ESRRB: variants seen among roughly 807,000 people sequenced by gnomAD.
ESRRB encodes steroid hormone receptor ERR2.
A neutral mutation model predicts 46.0 loss-of-function variants in ESRRB; 16 were observed. The observed-to-expected ratio is 0.35, with a 90% confidence interval of 0.24 to 0.53. The LOEUF (loss-of-function observed/expected upper bound fraction) is 0.53. Ranked by LOEUF, ESRRB falls within the 20% of genes least tolerant of loss-of-function variation. ESRRB has a pLI of 0.93. For synonymous variants in ESRRB, 246 were observed against 259.6 expected (o/e 0.95, Z 0.50); for missense variants, 488 against 607.4 (o/e 0.80, Z 2.07).
intron 3 of ESRRB, among the ~76,000 whole-genome samples, chr14:76,463,036 A>G (rs539397133): frequency 6.6e-6 from 1 of 152,344 alleles, no homozygotes; most frequent in South Asian, 2.1e-4. Flanking sequence ...GGACAGACAC[A>G]TTAAGTCCGG....
chr14:76,394,142 G>C (rs908074255), intron 1 of ESRRB, among the ~76,000 whole-genome samples: 1 of 151,876 alleles, frequency 6.6e-6, no homozygotes, highest in African/African-American at 2.4e-5. Context: ...CCAGCTCCTG[G>C]CCATGTGGAT....
chr14:76,478,558 G>T (rs904819875), intron 3 of ESRRB, among the ~76,000 whole-genome samples: 9 of 152,050 alleles, frequency 5.9e-5, no homozygotes, highest in African/African-American at 2.2e-4. Context: ...GTAAAGTGGG[G>T]AAGGGGCTTG....
chr14:76,332,758 TAA>T, intron 1 of ESRRB, among the ~76,000 whole-genome samples: 886 of 15,666 alleles, frequency 0.057, 58 homozygotes, highest in Admixed American at 0.075. Flanking sequence ...ATATTATATA[TAA>T]ATATATAATA....
At chr14:76,457,456 T>G (rs931322722) in intron 2 of ESRRB, among the ~76,000 whole-genome samples, 11 of 148,438 alleles carry the variant, frequency 7.4e-5, no homozygotes, top group Non-Finnish European at 1.3e-4. Context: ...AGGATGAGTT[T>G]TTTTTTTTTT....
intron 1 of ESRRB, among the ~76,000 whole-genome samples, chr14:76,424,537 AG>A (rs1320229545): frequency 9.2e-5 from 14 of 152,302 alleles, no homozygotes; most frequent in Admixed American, 3.9e-4. Flanking sequence ...GGGAATGCAC[AG>A]GGGGCAGCAG....
intron 6 of ESRRB, 79 bp downstream of exon 6, chr14:76,491,795 G>A (rs570937882): frequency 5.5e-6 from 8 of 1,445,584 alleles, no homozygotes; most frequent in Non-Finnish European, 7.4e-6. Context: ...TGGGGCCTGT[G>A]GGCAGGGCTG....
intron 1 of ESRRB, among the ~76,000 whole-genome samples, chr14:76,382,915 C>T (rs1358514299): frequency 3.9e-5 from 6 of 152,154 alleles, no homozygotes; most frequent in East Asian, 1.9e-4. Flanking sequence ...TCAGCATCCC[C>T]GGGACTGAAC....
intron 1 of ESRRB, among the ~76,000 whole-genome samples, chr14:76,323,266 C>G (rs967276458): frequency 9.4e-5 from 14 of 149,718 alleles, no homozygotes; most frequent in African/African-American, 3.4e-4. Flanking sequence ...GTCTGGCATT[C>G]TTAGAGTCCC....
chr14:76,413,747 G>A (rs1886538150), intron 1 of ESRRB, among the ~76,000 whole-genome samples: 1 of 152,116 alleles, frequency 6.6e-6, no homozygotes, highest in Non-Finnish European at 1.5e-5. Flanking sequence ...AATGAAATAA[G>A]TAAGCGAATA....
intron 1 of ESRRB, among the ~76,000 whole-genome samples, chr14:76,377,177 G>C (rs2139791168): frequency 6.6e-6 from 1 of 152,368 alleles, no homozygotes; most frequent in South Asian, 2.1e-4. Context: ...GGGGTTATCC[G>C]AGCGGCGTGG....
At chr14:76,480,362 A>ATTTCAGTTCAGGTTTTC (rs1388756496) in intron 3 of ESRRB, among the ~76,000 whole-genome samples, 10 of 152,136 alleles carry the variant, frequency 6.6e-5, no homozygotes, top group Non-Finnish European at 1.3e-4. Context: ...CTGAACTGAA[A>ATTTCAGTTCAGGTTTTC]ACACCTGGGG....
At chr14:76,470,968 T>C (rs936142074) in intron 3 of ESRRB, among the ~76,000 whole-genome samples, 1 of 152,230 alleles carries the variant, frequency 6.6e-6, no homozygotes, top group Non-Finnish European at 1.5e-5. Flanking sequence ...CTTCCCTAGA[T>C]ATTTTAGACC....
At chr14:76,380,583 C>T (rs8021398) in intron 1 of ESRRB, among the ~76,000 whole-genome samples, 12,021 of 152,334 alleles carry the variant, frequency 0.079, 657 homozygotes, top group Middle Eastern at 0.15. Context: ...CCAACACCTA[C>T]CGGCCATCAT....
chr14:76,340,653 T>C (rs576778533), intron 1 of ESRRB, among the ~76,000 whole-genome samples: 7 of 152,312 alleles, frequency 4.6e-5, no homozygotes, highest in South Asian at 4.2e-4. Context: ...AATGGCTTTA[T>C]TGAAGGAATG....
intron 1 of ESRRB, among the ~76,000 whole-genome samples, chr14:76,438,558 G>A (rs12434320): frequency 0.076 from 11,561 of 151,950 alleles, 600 homozygotes; most frequent in East Asian, 0.26. Context: ...CAGCTACTTC[G>A]GAGGCTGAGG....
At chr14:76,484,476 G>C (rs1464523990) in intron 5 of ESRRB, among the ~76,000 whole-genome samples, 1 of 152,202 alleles carries the variant, frequency 6.6e-6, no homozygotes, top group Non-Finnish European at 1.5e-5. Context: ...CACTAACCCA[G>C]GGCCAAATTG....
At chr14:76,430,587 C>T (rs1226163814) in intron 1 of ESRRB, among the ~76,000 whole-genome samples, 9 of 152,176 alleles carry the variant, frequency 5.9e-5, no homozygotes, top group Admixed American at 5.9e-4. Context: ...TGCTTGTCAC[C>T]TGCGCTGTTC....
chr14:76,348,601 T>TA (rs1884276940), intron 1 of ESRRB, among the ~76,000 whole-genome samples: 1 of 152,176 alleles, frequency 6.6e-6, no homozygotes. Context: ...TCCTAGTCCA[T>TA]AAAATGGGAC....
At chr14:76,412,332 T>G (rs904281678) in intron 1 of ESRRB, among the ~76,000 whole-genome samples, 10 of 152,268 alleles carry the variant, frequency 6.6e-5, no homozygotes, top group Admixed American at 6.5e-5. Context: ...TTCTGAGGAG[T>G]GGAGGTAGTT....
Sources: allele counts gnomAD v4.1 joint callset (sites outside exome capture counted in the v4.1 genomes callset), GRCh38; gene constraint gnomAD v4.1.1; transcripts MANE v1.5; gene names NCBI Gene and HGNC (gene_info 2026-07-23, HGNC 2026-07-21).